RPH3A: variants seen among roughly 807,000 people sequenced by gnomAD.
RPH3A encodes the protein rabphilin-3A.
In RPH3A, 48 loss-of-function variants were observed where a neutral mutation model predicts 102.2. The ratio of observed to expected loss-of-function variants is 0.47; its 90% CI spans 0.37 to 0.60. The LOEUF is 0.60. Ranked by LOEUF, RPH3A falls within the 20% of genes least tolerant of loss-of-function variation. The pLI, the probability that RPH3A is intolerant of heterozygous loss-of-function variation, is 0.00. For missense variants in RPH3A, 781 were observed against 910.1 expected (o/e 0.86, Z 1.83); for synonymous variants, 310 against 324.3 (o/e 0.96, Z 0.47).
chr12:112,725,009 G>A (rs1022814724), intron 1 of RPH3A, among the ~76,000 whole-genome samples: 1 of 151,252 alleles, frequency 6.6e-6, no homozygotes, highest in Non-Finnish European at 1.5e-5. Context: ...GGCACTTTGG[G>A]AGGCCAATGT....
Position 112,800,014 on chromosome 12 carries a change from C to G in RPH3A, c.-19+7751C>G, listed in dbSNP as rs375961986. ...CAAGTCTTGTACACTGTTCTAGGCACTGCAGACTCAGCAGTGAGGGAGCCG... is the reference window on the plus strand; with the variant it reads ...CAAGTCTTGTACACTGTTCTAGGCAGTGCAGACTCAGCAGTGAGGGAGCCG... On this transcript the variant is annotated intron_variant, in intron 2 of 21. Transcript: ENST00000389385. 3.2e-4 allele frequency among the ~76,000 whole-genome samples: 49 copies of G among 152,294 alleles called. No individual in the cohort carries two copies. In the East Asian group the frequency reaches 8.3e-3, roughly 26 times the overall value.
intron 1 of RPH3A, among the ~76,000 whole-genome samples, chr12:112,695,454 G>A (rs1308538971): frequency 2.0e-5 from 3 of 152,186 alleles, no homozygotes; most frequent in African/African-American, 4.8e-5. Context: ...ATATAGGCCA[G>A]TTTCAGAGGT....
intron 17 of RPH3A, among the ~76,000 whole-genome samples, chr12:112,889,656 A>T (rs1250742756): frequency 6.6e-6 from 1 of 152,028 alleles, no homozygotes; most frequent in African/African-American, 2.4e-5. Context: ...AGACCCCAAG[A>T]CCCCTGAGCC....
intron 1 of RPH3A, among the ~76,000 whole-genome samples, chr12:112,640,325 CAAAAAAAAAAAAAAAAAAAAAAA>C (rs1158230534): frequency 2.7e-3 from 38 of 14,076 alleles, no homozygotes; most frequent in African/African-American, 3.4e-3. Context: ...AACTCCATCT[CAAAAAAAAAAAAAAAAAAAAAAA>C]AAAAAAAAAA....
chr12:112,676,386 T>C (rs2040174569), intron 1 of RPH3A, among the ~76,000 whole-genome samples: 1 of 152,244 alleles, frequency 6.6e-6, no homozygotes, highest in Non-Finnish European at 1.5e-5. Context: ...GTGCAAGGGC[T>C]CTTGGCCGAA....
chr12:112,742,364 C>T (rs1167483512), intron 1 of RPH3A, among the ~76,000 whole-genome samples: 1 of 152,064 alleles, frequency 6.6e-6, no homozygotes, highest in East Asian at 1.9e-4. Context: ...GAAGCATCCA[C>T]AGCAGCAGGA....
chr12:112,591,386 G>A (rs534736047), intron 1 of RPH3A, among the ~76,000 whole-genome samples: 5 of 152,318 alleles, frequency 3.3e-5, no homozygotes, highest in African/African-American at 1.2e-4. Flanking sequence ...CACTGCACTG[G>A]CCCTGCAGAG....
In RPH3A at chr12:112,812,151, A is replaced by G. The variant is rs369604515; in HGVS notation, c.-18-16150A>G. Among the ~76,000 whole-genome samples the G allele has an allele frequency of 1.7e-4, 26 of 152,272 alleles. No individual in the cohort carries two copies. The East Asian group carries it at 4.0e-3, about 24-fold the overall frequency. On this transcript the variant is annotated intron_variant, in intron 2 of 21. Coordinates refer to ENST00000389385, the MANE Select transcript of RPH3A (RefSeq NM_001143854.2). The stretch of plus-strand genomic sequence containing the variant: ...GGGGAACTTAACCAACTTTGAGTCA[A>G]TTATATGTAGTTACAAGGGGGAATA...
intron 1 of RPH3A, among the ~76,000 whole-genome samples, chr12:112,765,473 G>A (rs967709292): frequency 5.3e-5 from 8 of 152,104 alleles, no homozygotes; most frequent in Non-Finnish European, 7.4e-5. Context: ...AGCAATGAAG[G>A]AAAGCCCAAA....
At chr12:112,805,176 A>G (rs2041435247) in intron 2 of RPH3A, among the ~76,000 whole-genome samples, 1 of 152,214 alleles carries the variant, frequency 6.6e-6, no homozygotes. Flanking sequence ...TTTTGTAAAT[A>G]AAAACAACAA....
intron 1 of RPH3A, among the ~76,000 whole-genome samples, chr12:112,598,864 A>G (rs1245405315): frequency 2.6e-5 from 4 of 152,228 alleles, no homozygotes; most frequent in African/African-American, 9.6e-5. Flanking sequence ...GTTTAAAACA[A>G]AAGTCTCCTT....
chr12:112,806,959 G>A (rs1342708379), intron 2 of RPH3A, among the ~76,000 whole-genome samples: 1 of 151,272 alleles, frequency 6.6e-6, no homozygotes, highest in Non-Finnish European at 1.5e-5. Flanking sequence ...AGTTAACTGA[G>A]TAAAGAGAGG....
intron 1 of RPH3A, among the ~76,000 whole-genome samples, chr12:112,659,741 ATTG>A (rs2040036863): frequency 6.6e-6 from 1 of 152,074 alleles, no homozygotes; most frequent in African/African-American, 2.4e-5. Flanking sequence ...GTATGGACTC[ATTG>A]TTGTGGATTT....
At chr12:112,853,416 G>A (rs1186360560) in intron 5 of RPH3A, among the ~76,000 whole-genome samples, 1 of 152,128 alleles carries the variant, frequency 6.6e-6, no homozygotes, top group African/African-American at 2.4e-5. Flanking sequence ...AGTTTGGGGG[G>A]ACTCTGAACC....
At chr12:112,878,545 A>T (rs1424932772) in intron 13 of RPH3A, among the ~76,000 whole-genome samples, 3 of 152,236 alleles carry the variant, frequency 2.0e-5, no homozygotes, top group African/African-American at 4.8e-5. Context: ...AGAGGCAGTT[A>T]ACATACCAAC....
chr12:112,642,861 T>C (rs1265412214), intron 1 of RPH3A, among the ~76,000 whole-genome samples: 1 of 152,192 alleles, frequency 6.6e-6, no homozygotes, highest in East Asian at 1.9e-4. Flanking sequence ...GCAGTGTTTT[T>C]CAAATGGGAG....
At position 112,631,809 on chromosome 12, in the gene RPH3A, C is replaced by A. The variant is rs534952540; in HGVS notation, c.-140+56490C>A. Among the ~76,000 whole-genome samples the A allele has an allele frequency of 3.9e-5, 6 of 152,266 alleles. No homozygotes were observed. In the South Asian group the frequency reaches 8.3e-4, roughly 21 times the overall value. ...AAATTGCTGAGATTATAGGCATGAG[C>A]CACTACCCCTGGCCTGAAAGCGTGT... On this transcript the variant is annotated intron_variant, in intron 1 of 21. Transcript: ENST00000543106.
chr12:112,727,337 G>C (rs2040597590), intron 1 of RPH3A, among the ~76,000 whole-genome samples: 1 of 150,056 alleles, frequency 6.7e-6, no homozygotes, highest in Non-Finnish European at 1.5e-5. Context: ...GCTGCAGTGA[G>C]CTGAGATTGC....
intron 1 of RPH3A, among the ~76,000 whole-genome samples, chr12:112,737,446 CATT>C (rs934614997): frequency 6.6e-6 from 1 of 152,188 alleles, no homozygotes; most frequent in South Asian, 2.1e-4. Context: ...CTATCACCAT[CATT>C]ATTATTATTA....
Sources: gnomAD v4.1 joint callset for allele counts (sites outside exome capture counted in the v4.1 genomes callset) on GRCh38, gnomAD v4.1.1 for gene constraint, MANE v1.5 for transcripts, NCBI Gene and HGNC (gene_info 2026-07-23, HGNC 2026-07-21) for gene names.